MCUR1: variants seen among roughly 807,000 people sequenced by gnomAD.
MCUR1 encodes the protein mitochondrial calcium uniporter regulator 1.
MCUR1 carries 37 observed loss-of-function variants against 42.0 expected under a neutral mutation model. The observed-to-expected ratio is 0.88, with a 90% confidence interval of 0.68 to 1.16. The LOEUF (loss-of-function observed/expected upper bound fraction) is 1.16. Among genes scored for constraint, MCUR1 ranks in the 50% most tolerant of loss-of-function variants. MCUR1 has a pLI of 0.00. For synonymous variants in MCUR1, 229 were observed against 196.2 expected (o/e 1.17, Z -1.40); for missense variants, 469 against 468.4 (o/e 1.00, Z -0.01).
At chr6:13,812,920 T>G (rs1007202248) in intron 1 of MCUR1, among the ~76,000 whole-genome samples, 15 of 152,222 alleles carry the variant, frequency 9.9e-5, no homozygotes, top group Non-Finnish European at 1.5e-5. Flanking sequence ...CAGTGATCTC[T>G]CTCACCTCCT....
rs1385335675 is a variant in MCUR1 at position 13,787,237 on chromosome 6, C to T, written c.*3572G>A. 11 of 152,130 alleles carry T rather than the reference C, an allele frequency of 7.2e-5. No individual in the cohort carries two copies. Among genetic ancestry groups the T allele is most frequent in the South Asian group, 2.1e-4 (1 of 4,810 alleles). The allele number at this position is 152,130 out of a possible 1,614,324, so 9.4% of individuals were successfully genotyped here. On this transcript the variant is annotated 3_prime_UTR_variant, in exon 9 of 9. Coordinates refer to ENST00000379170, the MANE Select transcript of MCUR1 (RefSeq NM_001031713.4). ...ACATGGAAGCAGAGACAAAGGCAATCCCGACACACAGAGGCATGTTTGTTG... is the reference window on the plus strand; with the variant it reads ...ACATGGAAGCAGAGACAAAGGCAATTCCGACACACAGAGGCATGTTTGTTG...
chr6:13,793,385 G>A (rs1012633452), intron 7 of MCUR1, among the ~76,000 whole-genome samples: 2 of 151,986 alleles, frequency 1.3e-5, no homozygotes, highest in African/African-American at 4.8e-5. Context: ...CTTGACAGAC[G>A]AATAAAGAAA....
chr6:13,798,775 A>C (rs1405063200), intron 6 of MCUR1, 58 bp downstream of exon 6: 14 of 1,356,938 alleles, frequency 1.0e-5, no homozygotes, highest in Non-Finnish European at 1.4e-5. Flanking sequence ...AGGCTTAACC[A>C]AGCATTCCAT....
intron 5 of MCUR1, 28 bp from the exon 6 acceptor site, chr6:13,798,932 G>GA: frequency 8.0e-6 from 11 of 1,381,208 alleles, no homozygotes; most frequent in Non-Finnish European, 1.1e-5. Flanking sequence ...AACAAAGAAG[G>GA]AAAAATCCAA....
At chr6:13,810,337 A>C (rs1760205653) in intron 1 of MCUR1, among the ~76,000 whole-genome samples, 1 of 152,204 alleles carries the variant, frequency 6.6e-6, no homozygotes, top group Non-Finnish European at 1.5e-5. Flanking sequence ...TTATGACACC[A>C]AAAGAAAAAA....
intron 1 of MCUR1, among the ~76,000 whole-genome samples, chr6:13,810,876 T>C (rs752885273): frequency 6.6e-6 from 1 of 152,256 alleles, no homozygotes; most frequent in African/African-American, 2.4e-5. Flanking sequence ...AAAGAACCAC[T>C]GTGCTATGAC....
rs772379179 is a variant in MCUR1, at chr6:13,791,947, C to T, written c.955G>A (p.Glu319Lys). ...RALTQTDRKI[E>K]TEVAGLKTML... Reference sequence around the variant, plus strand: ...GTTTTGAGGCCAGCAACCTCAGTTTCGATCTTCCTGTCTGTCTGGGTAAGG... The same window carrying T: ...GTTTTGAGGCCAGCAACCTCAGTTTTGATCTTCCTGTCTGTCTGGGTAAGG... The change falls in exon 8 of 9, where the codon GAA (glutamate) becomes AAA (lysine). Residue 319 changes from glutamate to lysine, a missense_variant. Transcript: ENST00000379170. 15 of 1,613,960 alleles carry T rather than the reference C, an allele frequency of 9.3e-6. No individual in the cohort carries two copies. The highest frequency in any genetic ancestry group is 1.6e-4 in the Middle Eastern group (1 of 6,084).
chr6:13,803,015 T>A (rs887389170), intron 2 of MCUR1, among the ~76,000 whole-genome samples: 1 of 152,096 alleles, frequency 6.6e-6, no homozygotes, highest in African/African-American at 2.4e-5. Flanking sequence ...TCTTTGGTAG[T>A]CAATAAATGA....
In MCUR1 at chr6:13,789,629, T is replaced by TC. The variant is rs1409593564; in HGVS notation, c.*1179dup. Reference sequence around the variant, plus strand: ...ATTTCATTTATGAAATATGTATCCATCATCTAGGTATCTTATACATGGAGA... The same window carrying TC: ...ATTTCATTTATGAAATATGTATCCATCCATCTAGGTATCTTATACATGGAGA... On this transcript the variant is annotated 3_prime_UTR_variant, in exon 9 of 9. Transcript: ENST00000379170. The TC allele has an allele frequency of 6.6e-6, 1 of 152,184 alleles. No individual in the cohort carries two copies. Among genetic ancestry groups the TC allele is most frequent in the African/African-American group, 2.4e-5 (1 of 41,452 alleles). 9.4% of individuals were successfully genotyped at this position (152,184 alleles called of 1,614,324 possible).
chr6:13,804,720 G>A (rs1006412745), intron 2 of MCUR1, among the ~76,000 whole-genome samples: 21 of 150,182 alleles, frequency 1.4e-4, no homozygotes, highest in Admixed American at 1.1e-3. Context: ...AACCCGGGAG[G>A]TGGAGCTTGC....
chr6:13,804,738 C>CGAGATTGT (rs1180188501), intron 2 of MCUR1, among the ~76,000 whole-genome samples: 1 of 138,992 alleles, frequency 7.2e-6, no homozygotes, highest in African/African-American at 2.8e-5. Context: ...TGCAGTGAGC[C>CGAGATTGT]GAGATTGTGC....
rs749221581 is a variant in MCUR1, at chr6:13,791,930, G to T, written c.972C>A (p.Gly324=). Residue 324 remains glycine, a synonymous_variant, in exon 8 of 9, where the codon GGC becomes GGA. Coordinates refer to ENST00000379170, the MANE Select transcript of MCUR1 (RefSeq NM_001031713.4). ...TGTGTGACTCAAGCATGGTTTTGAG[G>T]CCAGCAACCTCAGTTTCGATCTTCC... ...TDRKIETEVA[G]LKTMLESHKL... 8 of 1,613,886 alleles carry T rather than the reference G, an allele frequency of 5.0e-6. No homozygotes were observed. The African/African-American group carries it at 9.3e-5, about 19-fold the overall frequency.
chr6:13,790,941 C>A (rs1424167871), intron 8 of MCUR1, 77 bp from the exon 9 acceptor site: 13 of 1,166,810 alleles, frequency 1.1e-5, no homozygotes, highest in African/African-American at 1.6e-5. Flanking sequence ...TTTAAGAAAA[C>A]CTAAAAAAGA....
chr6:13,810,032 G>T (rs890069924), intron 1 of MCUR1, among the ~76,000 whole-genome samples: 3 of 151,810 alleles, frequency 2.0e-5, no homozygotes, highest in Admixed American at 2.0e-4. Context: ...GTGAAACCCC[G>T]TATCTACTAA....
intron 1 of MCUR1, among the ~76,000 whole-genome samples, chr6:13,813,713 G>A (rs1487796399): frequency 6.6e-6 from 1 of 152,196 alleles, no homozygotes; most frequent in African/African-American, 2.4e-5. Flanking sequence ...CCTGGAAGGC[G>A]GCGCCCAAAA....
chr6:13,810,572 T>G lies in MCUR1; in HGVS notation c.415+3443A>C, dbSNP rs1760210814. 2.6e-5 allele frequency among the ~76,000 whole-genome samples: 4 copies of G among 152,136 alleles called. No homozygotes were observed. The South Asian group carries it at 8.3e-4, about 31-fold the overall frequency. On this transcript the variant is annotated intron_variant, in intron 1 of 8. Transcript: ENST00000379170. ...AGAAAGATGCTCCAGCTGATCAGCT[T>G]CCACTCTCAGTCCTTCACCCCGATT...
Position 13,814,526 on chromosome 6 carries a change from G to A in MCUR1, c.-97C>T, listed in dbSNP as rs961800208. ...GCCCAGAGTCCGACAGCGGGAGCGAGCGTGGGCCACAGCGCAGGACCGCCC... is the reference window on the plus strand; with the variant it reads ...GCCCAGAGTCCGACAGCGGGAGCGAACGTGGGCCACAGCGCAGGACCGCCC... On this transcript the variant is annotated 5_prime_UTR_variant, in exon 1 of 9. Transcript: ENST00000379170. 5.8e-5 allele frequency: 75 copies of A among 1,299,764 alleles called. No homozygotes were observed. In the East Asian group the frequency reaches 8.0e-4, roughly 14 times the overall value. 80.5% of individuals were successfully genotyped at this position (1,299,764 alleles called of 1,614,324 possible).
chr6:13,793,612 T>C (rs1463944745), intron 7 of MCUR1, among the ~76,000 whole-genome samples: 1 of 152,176 alleles, frequency 6.6e-6, no homozygotes, highest in East Asian at 1.9e-4. Flanking sequence ...AAAGGGAATG[T>C]ATAAAGGGTG....
chr6:13,806,465 T>C (rs2113474739), intron 2 of MCUR1, among the ~76,000 whole-genome samples: 2 of 152,358 alleles, frequency 1.3e-5, no homozygotes, highest in African/African-American at 2.4e-5. Context: ...TATAACACTG[T>C]ACTTCCATGG....
Sources: allele counts gnomAD v4.1 joint callset (sites outside exome capture counted in the v4.1 genomes callset), GRCh38; gene constraint gnomAD v4.1.1; transcripts MANE v1.5; gene names NCBI Gene and HGNC (gene_info 2026-07-23, HGNC 2026-07-21).